The following HAT1 variants were observed in gnomAD, a reference collection of about 807,000 sequenced individuals.
HAT1 encodes histone acetyltransferase type B catalytic subunit.
Under a neutral mutation model 56.6 loss-of-function variants are expected in HAT1, and 20 were observed. The ratio of observed to expected loss-of-function variants is 0.35; its 90% CI spans 0.25 to 0.51. HAT1 has a LOEUF of 0.51. HAT1 is among the 20% of genes least tolerant of loss of function. The pLI is 0.95. For synonymous variants in HAT1, 146 were observed against 165.5 expected (o/e 0.88, Z 0.91); for missense variants, 408 against 504.3 (o/e 0.81, Z 1.83).
rs975326215 is a variant in HAT1 at position 171,979,383 on chromosome 2, T to C, written c.1092+20T>C. 43 of 1,092,780 alleles carry C rather than the reference T, an allele frequency of 3.9e-5. No individual in the cohort carries two copies. In the East Asian group the frequency reaches 9.6e-4, roughly 24 times the overall value. The allele number at this position is 1,092,780 out of a possible 1,614,324, so 67.7% of individuals were successfully genotyped here. The stretch of plus-strand genomic sequence containing the variant: ...TATAAGGTAGGACTTTCAAGAATCT[T>C]AAACACTGTATTCTTTTCACTGTTT... On this transcript the variant is annotated intron_variant, in intron 10 of 10. Transcript: ENST00000264108.
intron 4 of HAT1, among the ~76,000 whole-genome samples, chr2:171,959,471 T>C (rs1274878794): frequency 6.6e-6 from 1 of 152,258 alleles, no homozygotes; most frequent in Non-Finnish European, 1.5e-5. Context: ...ATCTAATTGT[T>C]CCATTCTTGA....
At chr2:171,977,549 ATATATATATTTTTTT>A (rs1330641084) in intron 9 of HAT1, among the ~76,000 whole-genome samples, 3 of 14,136 alleles carry the variant, frequency 2.1e-4, no homozygotes, top group Non-Finnish European at 3.7e-4. Flanking sequence ...ATATATATAT[ATATATATATTTTTTT>A]TTTTTTTTTT....
In HAT1 at chr2:171,966,891, A is replaced by G. The variant is rs199815611; in HGVS notation, c.765A>G (p.Gln255=). 2 of 1,595,374 alleles carry G rather than the reference A, an allele frequency of 1.3e-6. No homozygotes were observed. The highest frequency in any genetic ancestry group is 1.7e-5 in the Admixed American group (1 of 59,904). ...TTCAAGGTCAAGGCCATGGTGCTCA[A>G]CTTCTTGAAACAGTTCATAGATACT... ...TPFQGQGHGA[Q]LLETVHRYYT... Residue 255 remains glutamine (Q), a synonymous_variant, in exon 8 of 11, where the codon CAA becomes CAG. Coordinates refer to ENST00000264108, the MANE Select transcript of HAT1 (RefSeq NM_003642.4).
intron 8 of HAT1, among the ~76,000 whole-genome samples, chr2:171,973,905 C>T (rs1300993311): frequency 6.6e-6 from 1 of 152,102 alleles, no homozygotes; most frequent in Non-Finnish European, 1.5e-5. Flanking sequence ...TTGGGCCAGG[C>T]TTGGTGGCTT....
At chr2:171,935,480 A>C (rs989890399) in intron 2 of HAT1, among the ~76,000 whole-genome samples, 1 of 136,476 alleles carries the variant, frequency 7.3e-6, no homozygotes, top group South Asian at 2.3e-4. Context: ...GTGCCATTGC[A>C]CTCCAGCCTG....
chr2:171,943,410 CAAAAAAAAA>C (rs377749207), intron 2 of HAT1, among the ~76,000 whole-genome samples: 14 of 58,662 alleles, frequency 2.4e-4, no homozygotes, highest in East Asian at 7.3e-4. Flanking sequence ...GACTCTGTCT[CAAAAAAAAA>C]AAAAAAAAAA....
chr2:171,980,457 C>T (rs1320355517), intron 10 of HAT1: 1 of 151,766 alleles, frequency 6.6e-6, no homozygotes, highest in Admixed American at 6.6e-5. Context: ...CCCTTTTTTC[C>T]CACTTCGTCG....
rs1456415741 is a variant in HAT1 at position 171,925,621 on chromosome 2, C to G, written c.92C>G (p.Thr31Arg). The G allele has an allele frequency of 2.0e-6, 3 of 1,504,960 alleles. No homozygotes were observed. In the South Asian group the frequency reaches 3.4e-5, roughly 17 times the overall value. 93.2% of individuals were successfully genotyped at this position (1,504,960 alleles called of 1,614,324 possible). A position where few individuals can be genotyped will look rare whatever the true frequency, so the allele number is the denominator to read the frequency against. ...GCAGAGTACAAATGTAACACCAACACAGCAATTGAACTAAAATTAGGTATG... is the reference window on the plus strand; with the variant it reads ...GCAGAGTACAAATGTAACACCAACAGAGCAATTGAACTAAAATTAGGTATG... ...KLAEYKCNTN[T>R]AIELKLVRFP... The change falls in exon 2 of 11, where the codon ACA (threonine) becomes AGA (arginine). Residue 31 changes from threonine (T) to arginine (R), a missense_variant. Coordinates refer to ENST00000264108, the MANE Select transcript of HAT1 (RefSeq NM_003642.4).
intron 4 of HAT1, among the ~76,000 whole-genome samples, chr2:171,959,583 C>G (rs1414214521): frequency 6.6e-6 from 1 of 152,140 alleles, no homozygotes; most frequent in Non-Finnish European, 1.5e-5. Flanking sequence ...GGTCAAAGAT[C>G]ATTTATATTG....
chr2:171,943,740 T>C (rs1318644212), intron 2 of HAT1, among the ~76,000 whole-genome samples: 1 of 149,480 alleles, frequency 6.7e-6, no homozygotes, highest in African/African-American at 2.4e-5. Context: ...TATATATATA[T>C]ATATATATAT....
intron 9 of HAT1, among the ~76,000 whole-genome samples, chr2:171,978,700 A>T (rs1047733734): frequency 6.6e-6 from 1 of 152,122 alleles, no homozygotes; most frequent in Non-Finnish European, 1.5e-5. Context: ...ATTGGTCTCT[A>T]TGCACTTCTT....
chr2:171,959,827 T>G (rs778698197), intron 4 of HAT1, among the ~76,000 whole-genome samples: 1 of 152,212 alleles, frequency 6.6e-6, no homozygotes, highest in Non-Finnish European at 1.5e-5. Context: ...CAGGCAGTAT[T>G]ATGAAGATAC....
chr2:171,977,569 T>A (rs1419114752), intron 9 of HAT1, among the ~76,000 whole-genome samples: 204 of 58,524 alleles, frequency 3.5e-3, no homozygotes, highest in Middle Eastern at 6.7e-3. Flanking sequence ...TTTTTTTTTT[T>A]TTTTTTTTTT....
In HAT1 at chr2:171,964,441, T is replaced by G. The variant is rs1216442130; in HGVS notation, c.310-897T>G. On this transcript the variant is annotated intron_variant, in intron 4 of 10. Transcript: ENST00000264108. ...AAAGTTTGAATAGAATACAAGCTCATTTTGTTGAATGTAATGTCAGGCTTT... is the reference window on the plus strand; with the variant it reads ...AAAGTTTGAATAGAATACAAGCTCAGTTTGTTGAATGTAATGTCAGGCTTT... Among the ~76,000 whole-genome samples the G allele has an allele frequency of 2.0e-5, 3 of 152,188 alleles. No homozygotes were observed. The East Asian group carries it at 5.8e-4, about 29-fold the overall frequency.
chr2:171,933,595 G>A (rs1186369768), intron 2 of HAT1, among the ~76,000 whole-genome samples: 2 of 151,178 alleles, frequency 1.3e-5, no homozygotes, highest in Non-Finnish European at 2.9e-5. Flanking sequence ...ATTCTGTTAT[G>A]TTCTATTTTT....
intron 3 of HAT1, 117 bp from the exon 4 acceptor site, chr2:171,952,764 T>A (rs937807319): frequency 5.8e-6 from 3 of 521,632 alleles, no homozygotes; most frequent in Non-Finnish European, 9.8e-6. Flanking sequence ...ATTTTTTTTT[T>A]AAGTATAGTT....
rs146715990 is a variant in HAT1 at position 171,942,048 on chromosome 2, G to A, written c.113-4660G>A. On this transcript the variant is annotated intron_variant, in intron 2 of 10. Coordinates refer to ENST00000264108, the MANE Select transcript of HAT1 (RefSeq NM_003642.4). Reference sequence around the variant, plus strand: ...GCCTTCTGAGTAGCTGGGATTACAGGTGCACACCACCACACCCAGCTAAGT... The same window carrying A: ...GCCTTCTGAGTAGCTGGGATTACAGATGCACACCACCACACCCAGCTAAGT... 5.3e-5 allele frequency among the ~76,000 whole-genome samples: 8 copies of A among 152,158 alleles called. No individual in the cohort carries two copies. The East Asian group carries it at 1.5e-3, about 29-fold the overall frequency.
At chr2:171,975,816 T>TA (rs1687947495) in intron 8 of HAT1, among the ~76,000 whole-genome samples, 1 of 152,020 alleles carries the variant, frequency 6.6e-6, no homozygotes, top group South Asian at 2.1e-4. Flanking sequence ...ACTTTGTGTT[T>TA]ATGTGAACTT....
At chr2:171,961,654 C>G (rs1178410694) in intron 4 of HAT1, among the ~76,000 whole-genome samples, 2 of 152,110 alleles carry the variant, frequency 1.3e-5, no homozygotes, top group Admixed American at 1.3e-4. Context: ...ATAAGTAATA[C>G]TTTTTATGAA....
Sources: gnomAD v4.1 joint callset for allele counts (sites outside exome capture counted in the v4.1 genomes callset) on GRCh38, gnomAD v4.1.1 for gene constraint, MANE v1.5 for transcripts, NCBI Gene and HGNC (gene_info 2026-07-23, HGNC 2026-07-21) for gene names.